SLC40A1: variants seen among roughly 807,000 people sequenced by gnomAD.
The protein encoded by SLC40A1 is solute carrier family 40 member 1.
In SLC40A1, 16 loss-of-function variants were observed where a neutral mutation model predicts 53.5. The observed-to-expected ratio is 0.30, with a 90% confidence interval of 0.20 to 0.45. SLC40A1 has a LOEUF of 0.45. SLC40A1 is among the 20% of genes least tolerant of loss of function. The pLI is 1.00. For synonymous variants in SLC40A1, 247 were observed against 253.2 expected (o/e 0.98, Z 0.23); for missense variants, 545 against 695.4 (o/e 0.78, Z 2.43).
intron 7 of SLC40A1, 67 bp downstream of exon 7, chr2:189,563,517 G>A: frequency 7.1e-7 from 1 of 1,415,854 alleles, no homozygotes; most frequent in Non-Finnish European, 9.7e-7. Context: ...ATTTATTAAT[G>A]GATTCTCTGA....
intron 2 of SLC40A1, among the ~76,000 whole-genome samples, chr2:189,576,788 C>T (rs2031299361): frequency 6.6e-6 from 1 of 152,178 alleles, no homozygotes; most frequent in South Asian, 2.1e-4. Flanking sequence ...TCTTAACATA[C>T]AGGTTAAGAA....
In SLC40A1 at chr2:189,580,780, C is replaced by CGCT; in HGVS notation, c.-321_-320insAGC. 7.8e-7 allele frequency: 1 copy of CGCT among 1,278,756 alleles called. No homozygotes were observed. The highest frequency in any genetic ancestry group is 1.0e-6 in the Non-Finnish European group (1 of 1,004,274). 79.2% of individuals were successfully genotyped at this position (1,278,756 alleles called of 1,614,324 possible). A position where few individuals can be genotyped will look rare whatever the true frequency, so the allele number is the denominator to read the frequency against. On this transcript the variant is annotated 5_prime_UTR_variant, in exon 1 of 8. Coordinates refer to ENST00000261024, the MANE Select transcript of SLC40A1 (RefSeq NM_014585.6). ...CTGAGCCAGCTCTCTCCGCCGCCGC[C>CGCT]GCCGCCGCCGTGGGCCGGGCCCAGC...
chr2:189,575,730 A>C (rs1574245875), intron 2 of SLC40A1, among the ~76,000 whole-genome samples: 1 of 152,236 alleles, frequency 6.6e-6, no homozygotes, highest in East Asian at 1.9e-4. Flanking sequence ...CAATTACAGT[A>C]CAGTTCACAA....
rs573738464 is a variant in SLC40A1 at position 189,568,217 on chromosome 2, A to G, written c.515-2618T>C. Among the ~76,000 whole-genome samples the G allele has an allele frequency of 2.0e-5, 3 of 151,900 alleles. No individual in the cohort carries two copies. In the East Asian group the frequency reaches 5.8e-4, roughly 29 times the overall value. ...AAAAAAAAAGACTTAGGCCGGGTGC[A>G]GTGGCCCACGCCTGTAATCCCAGCA... On this transcript the variant is annotated intron_variant, in intron 5 of 7. Transcript: ENST00000261024.
At chr2:189,562,523 A>G (rs2030778122) in intron 7 of SLC40A1, among the ~76,000 whole-genome samples, 1 of 152,222 alleles carries the variant, frequency 6.6e-6, no homozygotes, top group African/African-American at 2.4e-5. Context: ...TATAAGTACT[A>G]GTATTTTTTA....
At chr2:189,570,081 T>C (rs1211789164) in intron 5 of SLC40A1, among the ~76,000 whole-genome samples, 1 of 150,572 alleles carries the variant, frequency 6.6e-6, no homozygotes, top group Non-Finnish European at 1.5e-5. Context: ...TATACACATC[T>C]ATATATATGT....
rs1436123615 is a variant in SLC40A1 at position 189,563,951 on chromosome 2, C to G, written c.1035G>C (p.Leu345Phe). The change falls in exon 7 of 8, where the codon TTG becomes TTC. Residue 345 changes from leucine to phenylalanine, a missense_variant. By Grantham distance (22) the Leu-to-Phe change is conservative. Around this residue, in one of 4 missense-constraint regions of SLC40A1, gnomAD observed 234 missense variants for 299.0 expected, o/e 0.78. Transcript: ENST00000261024. ...TTCCAGTTATAGCTGATGCTCCCAT[C>G]AAAATACTGAGGATGGAACCACTCA... ...QGLSGSILSILMGASAITGIM... is the reference protein window; with the variant it reads ...QGLSGSILSIFMGASAITGIM... 2 of 1,614,110 alleles carry G rather than the reference C, an allele frequency of 1.2e-6. No homozygotes were observed. Among genetic ancestry groups the G allele is most frequent in the South Asian group, 1.1e-5 (1 of 91,074 alleles).
intron 5 of SLC40A1, among the ~76,000 whole-genome samples, chr2:189,566,035 T>C (rs570311736): frequency 1.3e-5 from 2 of 152,240 alleles, no homozygotes; most frequent in Admixed American, 6.5e-5. Flanking sequence ...TGTGTGTGTG[T>C]GTGTGCGTGT....
intron 2 of SLC40A1, chr2:189,578,131 C>T (rs1318806922): frequency 2.4e-6 from 2 of 839,890 alleles, no homozygotes; most frequent in African/African-American, 3.7e-5. Flanking sequence ...CATATACACA[C>T]ACACATAATA....
At chr2:189,576,932 C>G (rs2031305025) in intron 2 of SLC40A1, among the ~76,000 whole-genome samples, 1 of 152,150 alleles carries the variant, frequency 6.6e-6, no homozygotes, top group Non-Finnish European at 1.5e-5. Context: ...TTCTTGCATG[C>G]CATACCACCT....
At chr2:189,575,449 C>A in intron 2 of SLC40A1, 129 bp from the exon 3 acceptor site, 1 of 821,554 alleles carries the variant, frequency 1.2e-6, no homozygotes, top group Non-Finnish European at 2.1e-6. Context: ...TCAGTAATTA[C>A]TCTTAGATTG....
At chr2:189,575,445 ATTACTC>A (rs2031259390) in intron 2 of SLC40A1, 125 bp from the exon 3 acceptor site, 5 of 855,322 alleles carry the variant, frequency 5.8e-6, no homozygotes, top group African/African-American at 1.7e-5. Context: ...AAAGTCAGTA[ATTACTC>A]TTAGATTGAA....
intron 5 of SLC40A1, among the ~76,000 whole-genome samples, chr2:189,570,956 C>T (rs1220071619): frequency 1.3e-5 from 2 of 152,138 alleles, no homozygotes; most frequent in Non-Finnish European, 2.9e-5. Context: ...ACCCTTCCTC[C>T]TTACACAGGG....
intron 6 of SLC40A1, among the ~76,000 whole-genome samples, 178 bp from the exon 7 acceptor site, chr2:189,564,403 AG>A (rs1409992714): frequency 2.6e-5 from 4 of 152,184 alleles, no homozygotes; most frequent in African/African-American, 9.7e-5. Context: ...ATAATCATCA[AG>A]TGTCATTTTT....
In SLC40A1 at chr2:189,580,431, C is replaced by A; in HGVS notation, c.30G>T (p.Gln10His). 2 of 1,613,990 alleles carry A rather than the reference C, an allele frequency of 1.2e-6. No homozygotes were observed. Among genetic ancestry groups the A allele is most frequent in the Non-Finnish European group, 8.5e-7 (1 of 1,180,028 alleles). The change falls in exon 1 of 8, where the codon CAG (glutamine) becomes CAT (histidine). Residue 10 changes from glutamine (Q) to histidine (H), a missense_variant. By Grantham distance (24) the Gln-to-His change is conservative. Transcript: ENST00000261024. MTRAGDHNR[Q>H]RGCCGSLADY... ...AACGACACTCACCACAGCATCCTCT[C>A]TGGCGGTTGTGATCTCCCGCCCTGG...
rs1399472025 is a variant in SLC40A1, at chr2:189,561,481, T to C, written c.*397A>G. On this transcript the variant is annotated 3_prime_UTR_variant, in exon 8 of 8. Transcript: ENST00000261024. ...CTAAGATGCAAAAAAATAAATTAGCTAGTCTTGAACAAGAGTGAGTTTTGC... is the reference window on the plus strand; with the variant it reads ...CTAAGATGCAAAAAAATAAATTAGCCAGTCTTGAACAAGAGTGAGTTTTGC... 5.9e-6 allele frequency: 1 copy of C among 168,854 alleles called. No individual in the cohort carries two copies. The highest frequency in any genetic ancestry group is 1.3e-5 in the Non-Finnish European group (1 of 78,176). The allele number at this position is 168,854 out of a possible 1,614,324, so 10.5% of individuals were successfully genotyped here.
In SLC40A1 at chr2:189,565,582, G is replaced by A. The variant is rs1039029115; in HGVS notation, c.532C>T (p.Arg178Ter). 3.7e-6 allele frequency: 6 copies of A among 1,614,054 alleles called. No homozygotes were observed. The highest frequency in any genetic ancestry group is 5.1e-6 in the Non-Finnish European group (6 of 1,180,032). The change falls in exon 6 of 8, where the codon CGA becomes TGA. Residue 178 changes from arginine (R) to a stop codon, truncating the protein, a stop_gained. Transcript: ENST00000261024. LOFTEE classifies it high-confidence loss of function. ...ATGTTGGTTAACTGGTCAATCCTTCGTATTGTGGCATTCATATCTAGAGAG... is the reference window on the plus strand; with the variant it reads ...ATGTTGGTTAACTGGTCAATCCTTCATATTGTGGCATTCATATCTAGAGAG... Reference protein sequence around the residue: ...SKLANMNATIRRIDQLTNILA... With the variant: ...SKLANMNATI
At chr2:189,562,865 A>G (rs2030798051) in intron 7 of SLC40A1, among the ~76,000 whole-genome samples, 2 of 151,876 alleles carry the variant, frequency 1.3e-5, no homozygotes, top group African/African-American at 4.8e-5. Context: ...CCTTTGAAGG[A>G]TTTTTTTTAT....
intron 6 of SLC40A1, among the ~76,000 whole-genome samples, 167 bp downstream of exon 6, chr2:189,565,187 G>C (rs1047753709): frequency 1.3e-5 from 2 of 152,108 alleles, no homozygotes; most frequent in Non-Finnish European, 2.9e-5. Flanking sequence ...TTTTTCCCTA[G>C]ATCCTCAAAA....
Sources: allele counts gnomAD v4.1 joint callset (sites outside exome capture counted in the v4.1 genomes callset), GRCh38; gene constraint gnomAD v4.1.1; regional missense constraint gnomAD v4.1.1; transcripts MANE v1.5; gene names NCBI Gene and HGNC (gene_info 2026-07-23, HGNC 2026-07-21).